The following SUSD5 variants were observed in gnomAD, a reference collection of about 807,000 sequenced individuals.
The protein encoded by SUSD5 is sushi domain containing 5, also known as sushi domain-containing protein 5.
In SUSD5, 33 loss-of-function variants were observed where a neutral mutation model predicts 29.5. That is an observed-to-expected ratio of 1.12 (90% CI 0.85 to 1.49). The LOEUF (loss-of-function observed/expected upper bound fraction) is 1.49. SUSD5 is among the 40% of genes most tolerant of loss of function. SUSD5 has a pLI of 0.00. For synonymous variants in SUSD5, 308 were observed against 325.3 expected (o/e 0.95, Z 0.57); for missense variants, 776 against 800.6 (o/e 0.97, Z 0.37).
At chr3:33,205,016 CAT>C (rs1231217398) in intron 3 of SUSD5, among the ~76,000 whole-genome samples, 1 of 151,854 alleles carries the variant, frequency 6.6e-6, no homozygotes, top group African/African-American at 2.4e-5. Context: ...TGTGTGTATA[CAT>C]ATATATATGA....
intron 3 of SUSD5, among the ~76,000 whole-genome samples, chr3:33,191,576 G>C (rs114323778): frequency 6.6e-6 from 1 of 152,082 alleles, no homozygotes; most frequent in Non-Finnish European, 1.5e-5. Context: ...AAGTGGAACC[G>C]ATGGATGAAA....
intron 4 of SUSD5, among the ~76,000 whole-genome samples, chr3:33,160,668 CAG>C (rs1447562609): frequency 2.0e-5 from 3 of 152,084 alleles, no homozygotes; most frequent in Non-Finnish European, 4.4e-5. Flanking sequence ...TGTAAAATAA[CAG>C]AATGTTATGA....
intron 3 of SUSD5, among the ~76,000 whole-genome samples, chr3:33,199,495 G>T (rs1032981970): frequency 2.0e-5 from 3 of 152,082 alleles, no homozygotes; most frequent in African/African-American, 7.2e-5. Context: ...GGACGGTCTC[G>T]ATCTCCTGAC....
chr3:33,186,255 TTG>T (rs1359687872), intron 3 of SUSD5, among the ~76,000 whole-genome samples: 14 of 151,380 alleles, frequency 9.2e-5, no homozygotes, highest in Admixed American at 9.2e-4. Context: ...TGAGCCGAGA[TTG>T]CGCCACTGCA....
intron 4 of SUSD5, among the ~76,000 whole-genome samples, chr3:33,172,178 A>AAAAC (rs1258218136): frequency 2.5e-5 from 2 of 78,920 alleles, no homozygotes; most frequent in African/African-American, 1.0e-4. Flanking sequence ...ATACTCTTGT[A>AAAAC]AAACACACAC....
chr3:33,208,693 A>G (rs891682642), intron 2 of SUSD5, among the ~76,000 whole-genome samples: 14 of 151,364 alleles, frequency 9.2e-5, no homozygotes, highest in Non-Finnish European at 1.0e-4. Context: ...TCCTTTCTCT[A>G]TTTTCTTCAG....
At position 33,153,265 on chromosome 3, in the gene SUSD5, T is replaced by C. The variant is rs191836311; in HGVS notation, c.1367A>G (p.Glu456Gly). ...GTCACCATCCCCAATGCCCTCAGTCTCGGAAGCATTCACGGGTCTGAGCGC... is the reference window on the plus strand; with the variant it reads ...GTCACCATCCCCAATGCCCTCAGTCCCGGAAGCATTCACGGGTCTGAGCGC... ...ALALRPVNAS[E>G]TEGIGDGDLT... Residue 456 changes from glutamate to glycine, a missense_variant, in exon 5 of 5, where the codon GAG becomes GGG. Physicochemically the swap from Glu to Gly is moderately conservative, Grantham distance 98. Transcript: ENST00000309558. 3,900 of 1,613,920 alleles carry C rather than the reference T, an allele frequency of 2.4e-3. 10 individuals are homozygous for C. The highest frequency in any genetic ancestry group is 2.9e-3 in the Non-Finnish European group (3,423 of 1,179,864).
At chr3:33,192,680 G>A (rs950149236) in intron 3 of SUSD5, among the ~76,000 whole-genome samples, 30 of 151,854 alleles carry the variant, frequency 2.0e-4, no homozygotes, top group Middle Eastern at 3.4e-3. Context: ...GTGGTGGTGC[G>A]TGCCTGTAGT....
rs1247588270 is a variant in SUSD5, at chr3:33,150,752, G to T, written c.*1990C>A. The T allele has an allele frequency of 6.6e-6, 1 of 152,156 alleles. No homozygotes were observed. Among genetic ancestry groups the T allele is most frequent in the African/African-American group, 2.4e-5 (1 of 41,418 alleles). 9.4% of individuals were successfully genotyped at this position (152,156 alleles called of 1,614,324 possible). On this transcript the variant is annotated 3_prime_UTR_variant, in exon 5 of 5. Coordinates refer to ENST00000309558, the MANE Select transcript of SUSD5 (RefSeq NM_015551.2). ...ACTTTTCCAAAGCTTGCTGAAAAGA[G>T]GTGGCAGGGTAGAAAACATGTTGCG...
At chr3:33,162,917 C>CAAAA (rs35165045) in intron 4 of SUSD5, among the ~76,000 whole-genome samples, 9 of 133,410 alleles carry the variant, frequency 6.7e-5, no homozygotes, top group African/African-American at 1.7e-4. Context: ...AACTCCATCT[C>CAAAA]AAAAAAAAAA....
Position 33,204,090 on chromosome 3 carries a change from T to C in SUSD5, c.409+3718A>G, listed in dbSNP as rs1370037643. Among the ~76,000 whole-genome samples, 1 of 152,018 alleles carries C rather than the reference T, an allele frequency of 6.6e-6. No homozygotes were observed. The highest frequency in any genetic ancestry group is 1.9e-4 in the East Asian group (1 of 5,192). ...CACCATGCCTGGCTAATTTTTTTTA[T>C]TTTTTGAAGAGATGGTTTTTAGGGA... On this transcript the variant is annotated intron_variant, in intron 3 of 4. Transcript: ENST00000309558. The surrounding 1 kb of genome is among the most constrained non-coding windows in gnomAD (Gnocchi z 4.5).
intron 2 of SUSD5, among the ~76,000 whole-genome samples, chr3:33,211,405 T>C (rs142760474): frequency 5.9e-5 from 9 of 152,376 alleles, no homozygotes; most frequent in African/African-American, 1.7e-4. Flanking sequence ...AACAGGATTA[T>C]GAAAAAATAT....
intron 3 of SUSD5, among the ~76,000 whole-genome samples, chr3:33,178,163 C>T (rs1343664233): frequency 2.0e-5 from 3 of 152,062 alleles, no homozygotes; most frequent in Non-Finnish European, 4.4e-5. Context: ...AGAAGTTCCC[C>T]TCTATTCCTG....
chr3:33,199,562 C>T (rs561573772), intron 3 of SUSD5, among the ~76,000 whole-genome samples: 3 of 152,188 alleles, frequency 2.0e-5, no homozygotes, highest in Non-Finnish European at 4.4e-5. Context: ...CGTGAGCCAC[C>T]ACGCCCAACC....
At chr3:33,216,731 A>G (rs1385779717) in intron 1 of SUSD5, among the ~76,000 whole-genome samples, 2 of 152,190 alleles carry the variant, frequency 1.3e-5, no homozygotes, top group African/African-American at 2.4e-5. Context: ...AATTCATCAT[A>G]CTTAAGCTGA....
chr3:33,191,609 T>G (rs2031892927), intron 3 of SUSD5, among the ~76,000 whole-genome samples: 1 of 152,088 alleles, frequency 6.6e-6, no homozygotes, highest in African/African-American at 2.4e-5. Context: ...TTTTTAAGCT[T>G]CTGATAAGTT....
rs2031313007 is a variant in SUSD5 at position 33,166,757 on chromosome 3, G to C, written c.598+8129C>G. Among the ~76,000 whole-genome samples the C allele has an allele frequency of 2.0e-5, 3 of 152,348 alleles. No individual in the cohort carries two copies. The South Asian group carries it at 6.2e-4, about 32-fold the overall frequency. ...GTGAATTACAGTTTTTACAAAGCTT[G>C]ATGCAGTCTGGAAGTCCATCAGCCA... is the stretch of plus-strand genomic sequence containing the variant. On this transcript the variant is annotated intron_variant, in intron 4 of 4. Transcript: ENST00000309558.
chr3:33,207,378 C>A (rs2032241475), intron 3 of SUSD5, among the ~76,000 whole-genome samples: 1 of 152,154 alleles, frequency 6.6e-6, no homozygotes, highest in Non-Finnish European at 1.5e-5. Flanking sequence ...GGAAGGTGGA[C>A]TCAGGCTACT....
At chr3:33,184,184 C>A (rs1027084964) in intron 3 of SUSD5, among the ~76,000 whole-genome samples, 1 of 151,988 alleles carries the variant, frequency 6.6e-6, no homozygotes, top group Non-Finnish European at 1.5e-5. Context: ...AGGTGATCTG[C>A]CTGCCTCAGC....
Sources: gnomAD v4.1 joint callset for allele counts (sites outside exome capture counted in the v4.1 genomes callset) on GRCh38, gnomAD v4.1.1 for gene constraint, Gnocchi (gnomAD v3.1) non-coding constraint, MANE v1.5 for transcripts, NCBI Gene and HGNC (gene_info 2026-07-23, HGNC 2026-07-21) for gene names.